The following RABGAP1 variants were observed in gnomAD, a reference collection of about 807,000 sequenced individuals.
RABGAP1 encodes rab GTPase-activating protein 1.
A neutral mutation model predicts 137.6 loss-of-function variants in RABGAP1; 23 were observed. That is an observed-to-expected ratio of 0.17 (90% CI 0.12 to 0.24). The LOEUF (loss-of-function observed/expected upper bound fraction) is 0.24. Among genes scored for constraint, RABGAP1 ranks in the 10% least tolerant of loss-of-function variants. RABGAP1 has a pLI of 1.00. For synonymous variants in RABGAP1, 451 were observed against 450.7 expected (o/e 1.00, Z -0.01); for missense variants, 906 against 1,275.8 (o/e 0.71, Z 4.42).
intron 24 of RABGAP1, among the ~76,000 whole-genome samples, chr9:123,100,329 A>G (rs2035303388): frequency 6.6e-6 from 1 of 152,070 alleles, no homozygotes; most frequent in Non-Finnish European, 1.5e-5. Context: ...GCGCAAAGCA[A>G]CATTACCTAG....
chr9:123,027,924 C>G (rs941600835), intron 13 of RABGAP1, among the ~76,000 whole-genome samples: 4 of 152,288 alleles, frequency 2.6e-5, no homozygotes, highest in Non-Finnish European at 5.9e-5. Flanking sequence ...TACAGTAGGT[C>G]CCTCTAAATT....
In RABGAP1 at chr9:122,957,194, G is replaced by A. The variant is rs1834573014; in HGVS notation, c.135G>A (p.Glu45=). The A allele has an allele frequency of 5.2e-6, 8 of 1,541,074 alleles. No individual in the cohort carries two copies. Among genetic ancestry groups the A allele is most frequent in the Non-Finnish European group, 7.1e-6 (8 of 1,130,828 alleles). ...TPSTNNGSDD[E]KTGLKIVGNG... ...CTACAAATAATGGAAGTGATGATGA[G>A]AAAACAGGACTCAAGGTAAAACTCC... Residue 45 remains glutamate (E), a synonymous_variant, in exon 2 of 26, where the codon GAG becomes GAA. Coordinates refer to ENST00000373647, the MANE Select transcript of RABGAP1 (RefSeq NM_012197.4).
chr9:122,950,795 T>C (rs1388271645), intron 1 of RABGAP1, among the ~76,000 whole-genome samples: 1 of 152,176 alleles, frequency 6.6e-6, no homozygotes, highest in Non-Finnish European at 1.5e-5. Flanking sequence ...GTTATCAGCA[T>C]ACAATAGAAA....
intron 1 of RABGAP1, among the ~76,000 whole-genome samples, chr9:122,942,253 A>ACT (rs1564344864): frequency 6.6e-6 from 1 of 152,240 alleles, no homozygotes; most frequent in East Asian, 1.9e-4. Context: ...GTAGTTGGGA[A>ACT]AAAAAGCTTA....
chr9:123,010,631 C>A, intron 11 of RABGAP1, 103 bp downstream of exon 11: 1 of 1,109,840 alleles, frequency 9.0e-7, no homozygotes, highest in Non-Finnish European at 1.3e-6. Context: ...ATTTATAATT[C>A]ATTTAATGAA....
chr9:123,012,536 A>T (rs2030892782), intron 11 of RABGAP1, among the ~76,000 whole-genome samples: 1 of 152,256 alleles, frequency 6.6e-6, no homozygotes. Flanking sequence ...TTTATAGCAG[A>T]CATACCTTTT....
Position 122,990,797 on chromosome 9 carries a change from ATATATATATATATATATAT to A in RABGAP1, c.923+585_923+603del, listed in dbSNP as rs1439163496. The A allele has an allele frequency of 1.7e-3, 54 of 31,790 alleles. No homozygotes were observed. The East Asian group carries it at 0.022, about 13-fold the overall frequency. The allele number at this position is 31,790 out of a possible 1,614,324, so 2.0% of individuals were successfully genotyped here. A position where few individuals can be genotyped will look rare whatever the true frequency, so the allele number is the denominator to read the frequency against. The stretch of plus-strand genomic sequence containing the variant: ...AAAAAAAAAAAAAAAAAAAAAAAAA[ATATATATATATATATATAT>A]ATATATATATATATATATATGGCCA... On this transcript the variant is annotated intron_variant, in intron 6 of 25. Transcript: ENST00000373647.
At chr9:122,947,283 G>T (rs774616571) in intron 1 of RABGAP1, among the ~76,000 whole-genome samples, 2 of 152,152 alleles carry the variant, frequency 1.3e-5, no homozygotes, top group Non-Finnish European at 2.9e-5. Flanking sequence ...GATACACCTA[G>T]AGTAGTCAAT....
At chr9:123,093,062 G>A (rs535589779) in intron 21 of RABGAP1, among the ~76,000 whole-genome samples, 24 of 152,188 alleles carry the variant, frequency 1.6e-4, no homozygotes, top group Non-Finnish European at 3.2e-4. Context: ...CTCACTGAAG[G>A]GAGGAGTGTG....
At chr9:123,035,272 A>G in intron 13 of RABGAP1, 8 of 1,614,152 alleles carry the variant, frequency 5.0e-6, no homozygotes, top group Non-Finnish European at 6.8e-6. Context: ...CAGCAGCCAG[A>G]GTGGGGAGAC....
chr9:123,054,140 T>C (rs2033600958), intron 13 of RABGAP1, among the ~76,000 whole-genome samples: 1 of 152,220 alleles, frequency 6.6e-6, no homozygotes, highest in African/African-American at 2.4e-5. Context: ...AGCCTTCAAA[T>C]TTAAAAAAGT....
In RABGAP1 at chr9:123,073,556, C is replaced by G. The variant is rs765726469; in HGVS notation, c.1988C>G (p.Pro663Arg). Residue 663 changes from proline to arginine, a missense_variant, in exon 16 of 26, where the codon CCT becomes CGT. Transcript: ENST00000373647. Reference sequence around the variant, plus strand: ...CAACTTGCCTATCTGTTACAGATGCCTGAAGAACAGGCATTCAGTGTTCTG... The same window carrying G: ...CAACTTGCCTATCTGTTACAGATGCGTGAAGAACAGGCATTCAGTGTTCTG... ...FLAAVLLLHM[P>R]EEQAFSVLVK... 1 of 1,612,462 alleles carries G rather than the reference C, an allele frequency of 6.2e-7. No individual in the cohort carries two copies. Among genetic ancestry groups the G allele is most frequent in the Non-Finnish European group, 8.5e-7 (1 of 1,179,298 alleles).
intron 2 of RABGAP1, among the ~76,000 whole-genome samples, chr9:122,962,856 G>C (rs1834922823): frequency 6.6e-6 from 1 of 152,086 alleles, no homozygotes; most frequent in Non-Finnish European, 1.5e-5. Context: ...TAGGTTTAGA[G>C]ATACAAATAG....
Position 123,070,470 on chromosome 9 carries a change from A to T in RABGAP1, c.1983+46A>T. 1 of 1,613,372 alleles carries T rather than the reference A, an allele frequency of 6.2e-7. No homozygotes were observed. ...TATGACTTAACACATGGCCTCCCTC[A>T]GCTTATACTAACCTTAGGCTTGAGC... On this transcript the variant is annotated intron_variant, in intron 15 of 25. Transcript: ENST00000373647. The surrounding 1 kb of genome is among the most constrained non-coding windows in gnomAD (Gnocchi z 4.4).
At chr9:123,048,096 C>T (rs550409034) in intron 13 of RABGAP1, among the ~76,000 whole-genome samples, 5 of 151,894 alleles carry the variant, frequency 3.3e-5, no homozygotes, top group African/African-American at 7.2e-5. Context: ...TGCATCACCA[C>T]GCCCAGCTAA....
intron 1 of RABGAP1, chr9:122,945,376 A>G (rs1171435296): frequency 6.6e-6 from 1 of 152,088 alleles, no homozygotes; most frequent in South Asian, 2.1e-4. Flanking sequence ...ACATTAGTTT[A>G]TACAATGTGG....
intron 1 of RABGAP1, among the ~76,000 whole-genome samples, chr9:122,942,335 G>A (rs1588143056): frequency 6.6e-6 from 1 of 152,174 alleles, no homozygotes; most frequent in East Asian, 1.9e-4. Context: ...TTTGTATAAG[G>A]TGCTATTTAA....
At chr9:123,088,218 T>C (rs1426047860) in intron 19 of RABGAP1, among the ~76,000 whole-genome samples, 3 of 151,716 alleles carry the variant, frequency 2.0e-5, no homozygotes, top group Non-Finnish European at 2.9e-5. Context: ...ACCTGGCCAA[T>C]TTTTATATTT....
intron 13 of RABGAP1, among the ~76,000 whole-genome samples, chr9:123,024,092 A>C (rs899429453): frequency 2.0e-5 from 3 of 152,248 alleles, no homozygotes; most frequent in Non-Finnish European, 4.4e-5. Context: ...CCTTTCAGTA[A>C]CATAAAATAC....
Sources: allele counts gnomAD v4.1 joint callset (sites outside exome capture counted in the v4.1 genomes callset), GRCh38; gene constraint gnomAD v4.1.1; non-coding constraint Gnocchi (gnomAD v3.1); transcripts MANE v1.5; gene names NCBI Gene and HGNC (gene_info 2026-07-23, HGNC 2026-07-21).